PTPN13: variants seen among roughly 807,000 people sequenced by gnomAD.
PTPN13 encodes tyrosine-protein phosphatase non-receptor type 13.
PTPN13 carries 191 observed loss-of-function variants against 284.0 expected under a neutral mutation model. That is an observed-to-expected ratio of 0.67 (90% CI 0.60 to 0.76). PTPN13 has a LOEUF of 0.76. Ranked by LOEUF, PTPN13 falls within the 30% of genes least tolerant of loss-of-function variation. PTPN13 has a pLI of 0.00. For synonymous variants in PTPN13, 986 were observed against 1,022.3 expected (o/e 0.96, Z 0.68); for missense variants, 2,797 against 2,939.9 (o/e 0.95, Z 1.12).
intron 5 of PTPN13, chr4:86,689,590 C>A (rs923552362): frequency 1.4e-6 from 1 of 697,232 alleles, no homozygotes; most frequent in East Asian, 2.7e-5. Flanking sequence ...ATACCTGTTT[C>A]GTGACCACTC....
Position 86,815,065 on chromosome 4 carries a change from GAGTTATC to G in PTPN13, c.*522_*528del. ...ATTTATATACTTTTTCATGAAAATGGAGTTATCAGTTATCTGTTTGTTACTGCATCAT... is the reference window on the plus strand; with the variant it reads ...ATTTATATACTTTTTCATGAAAATGGAGTTATCTGTTTGTTACTGCATCAT... On this transcript the variant is annotated 3_prime_UTR_variant, in exon 48 of 48. Coordinates refer to ENST00000411767, the MANE Select transcript of PTPN13 (RefSeq NM_080683.3). 1 of 152,762 alleles carries G rather than the reference GAGTTATC, an allele frequency of 6.5e-6. No homozygotes were observed. The highest frequency in any genetic ancestry group is 1.9e-4 in the East Asian group (1 of 5,182). 9.5% of individuals were successfully genotyped at this position (152,762 alleles called of 1,614,324 possible). A position where few individuals can be genotyped will look rare whatever the true frequency, so the allele number is the denominator to read the frequency against.
intron 7 of PTPN13, 27 bp from the exon 8 acceptor site, chr4:86,716,503 C>G (rs1733036636): frequency 7.2e-7 from 1 of 1,383,740 alleles, no homozygotes; most frequent in Non-Finnish European, 9.9e-7. Context: ...AGTTTGCTTT[C>G]TAATCTTTTT....
intron 1 of PTPN13, among the ~76,000 whole-genome samples, chr4:86,606,490 CTACTGTCTAAA>C (rs1764751451): frequency 6.6e-6 from 1 of 151,684 alleles, no homozygotes; most frequent in African/African-American, 2.4e-5. Flanking sequence ...ATTGTTTTGA[CTACTGTCTAAA>C]GAAATAGAAA....
At chr4:86,667,766 T>C (rs993643209) in intron 2 of PTPN13, among the ~76,000 whole-genome samples, 3 of 152,226 alleles carry the variant, frequency 2.0e-5, no homozygotes, top group Admixed American at 2.0e-4. Flanking sequence ...CTACAATTTC[T>C]TGTGCCTGAA....
intron 1 of PTPN13, among the ~76,000 whole-genome samples, chr4:86,624,010 C>T (rs1721558103): frequency 6.6e-6 from 1 of 152,058 alleles, no homozygotes; most frequent in Admixed American, 6.6e-5. Flanking sequence ...GTGCCTGGCT[C>T]ATAGTAAATA....
In PTPN13 at chr4:86,715,148, G is replaced by A. The variant is rs528690345; in HGVS notation, c.1196-1382G>A. Among the ~76,000 whole-genome samples the A allele has an allele frequency of 5.9e-5, 9 of 152,246 alleles. No homozygotes were observed. In the East Asian group the frequency reaches 1.5e-3, roughly 26 times the overall value. On this transcript the variant is annotated intron_variant, in intron 7 of 47. Transcript: ENST00000411767. ...ACAGGTACAGAATTCGTTTAGGGAAGTGGATGGAGATAAGGCTTTTACCTG... is the reference window on the plus strand; with the variant it reads ...ACAGGTACAGAATTCGTTTAGGGAAATGGATGGAGATAAGGCTTTTACCTG...
chr4:86,693,824 C>G, intron 6 of PTPN13, 150 bp downstream of exon 6: 1 of 474,918 alleles, frequency 2.1e-6, no homozygotes, highest in East Asian at 3.0e-5. Flanking sequence ...TGGGCAGGAA[C>G]ACTAGCTACA....
intron 35 of PTPN13, among the ~76,000 whole-genome samples, chr4:86,776,044 C>G (rs1740594554): frequency 6.6e-6 from 1 of 152,188 alleles, no homozygotes; most frequent in African/African-American, 2.4e-5. Context: ...CTCCCAGATT[C>G]AAGCAGATCT....
intron 1 of PTPN13, among the ~76,000 whole-genome samples, chr4:86,608,608 A>G (rs1285010878): frequency 6.6e-6 from 1 of 152,134 alleles, no homozygotes; most frequent in African/African-American, 2.4e-5. Flanking sequence ...TTTTATAGAT[A>G]ATGGAAACTG....
intron 1 of PTPN13, among the ~76,000 whole-genome samples, chr4:86,628,636 A>G (rs1220739025): frequency 4.6e-5 from 5 of 108,182 alleles, no homozygotes; most frequent in Non-Finnish European, 7.7e-5. Flanking sequence ...ATATCTCCCA[A>G]TGCTATCCCT....
At chr4:86,671,925 A>G (rs569533883) in intron 2 of PTPN13, among the ~76,000 whole-genome samples, 4 of 152,348 alleles carry the variant, frequency 2.6e-5, no homozygotes, top group African/African-American at 9.6e-5. Context: ...GAATTTATAC[A>G]GAGCTTTATA....
chr4:86,730,218 C>T (rs927012286), intron 10 of PTPN13, among the ~76,000 whole-genome samples: 2 of 149,566 alleles, frequency 1.3e-5, no homozygotes, highest in Admixed American at 6.7e-5. Context: ...CAGAGGGGCA[C>T]CCAACCGTAT....
At chr4:86,810,062 T>C (rs1745059652) in intron 46 of PTPN13, 78 bp downstream of exon 46, 2 of 1,158,574 alleles carry the variant, frequency 1.7e-6, no homozygotes, top group Non-Finnish European at 2.4e-6. Context: ...TGTGTTGTGA[T>C]CTTGGGATAT....
At chr4:86,757,904 T>C (rs1353784536) in intron 20 of PTPN13, among the ~76,000 whole-genome samples, 1 of 151,886 alleles carries the variant, frequency 6.6e-6, no homozygotes, top group Non-Finnish European at 1.5e-5. Context: ...ATTCAGGGAG[T>C]TGATTATGGT....
chr4:86,764,478 T>G, intron 24 of PTPN13, 115 bp from the exon 25 acceptor site: 1 of 794,956 alleles, frequency 1.3e-6, no homozygotes, highest in East Asian at 3.1e-5. Flanking sequence ...TAATTCATTT[T>G]GATTCTAGCC....
chr4:86,776,300 C>T (rs187602715), intron 35 of PTPN13, among the ~76,000 whole-genome samples: 106 of 152,304 alleles, frequency 7.0e-4, no homozygotes, highest in Admixed American at 2.6e-3. Context: ...GGGTGGTCAT[C>T]AGGTGAAATC....
intron 2 of PTPN13, among the ~76,000 whole-genome samples, chr4:86,646,939 T>C (rs1361720096): frequency 6.6e-6 from 1 of 152,184 alleles, no homozygotes; most frequent in Non-Finnish European, 1.5e-5. Flanking sequence ...AAAATAATTA[T>C]GTTGAGTGAA....
intron 32 of PTPN13, among the ~76,000 whole-genome samples, chr4:86,773,977 T>A (rs1351209114): frequency 6.6e-6 from 1 of 152,160 alleles, no homozygotes; most frequent in Admixed American, 6.5e-5. Context: ...TAGAAATATA[T>A]GGCTCTTTGC....
At chr4:86,707,547 A>T (rs1731902509) in intron 7 of PTPN13, among the ~76,000 whole-genome samples, 2 of 152,190 alleles carry the variant, frequency 1.3e-5, no homozygotes, top group African/African-American at 2.4e-5. Flanking sequence ...TACGCTTAAG[A>T]AAAGCAAAGG....
Sources: gnomAD v4.1 joint callset for allele counts (sites outside exome capture counted in the v4.1 genomes callset) on GRCh38, gnomAD v4.1.1 for gene constraint, MANE v1.5 for transcripts, NCBI Gene and HGNC (gene_info 2026-07-23, HGNC 2026-07-21) for gene names.